CAMTA1: variants seen among roughly 807,000 people sequenced by gnomAD.
CAMTA1 encodes calmodulin binding transcription activator 1.
A neutral mutation model predicts 170.9 loss-of-function variants in CAMTA1; 27 were observed. The observed-to-expected ratio is 0.16, with a 90% CI of 0.12 to 0.22. CAMTA1 has a LOEUF of 0.22. Among genes scored for constraint, CAMTA1 ranks in the 10% least tolerant of loss-of-function variants. CAMTA1 has a pLI of 1.00. For synonymous variants in CAMTA1, 833 were observed against 891.5 expected (o/e 0.93, Z 1.17); for missense variants, 1,619 against 2,217.2 (o/e 0.73, Z 5.42).
At chr1:7,255,507 GC>G (rs1558314833) in intron 5 of CAMTA1, among the ~76,000 whole-genome samples, 2 of 151,118 alleles carry the variant, frequency 1.3e-5, no homozygotes, top group East Asian at 3.9e-4. Flanking sequence ...CCCCCGCCCC[GC>G]CCCAAGGCTA....
intron 4 of CAMTA1, among the ~76,000 whole-genome samples, chr1:7,241,830 A>G (rs1025903592): frequency 6.6e-6 from 1 of 152,206 alleles, no homozygotes. Context: ...TAAATGCAAG[A>G]GCTAAAGATA....
intron 5 of CAMTA1, chr1:7,441,122 G>T (rs1019429158): frequency 2.0e-5 from 3 of 152,184 alleles, no homozygotes; most frequent in African/African-American, 7.2e-5. Flanking sequence ...CACCAGCTGA[G>T]ATTTTTCCTT....
intron 4 of CAMTA1, among the ~76,000 whole-genome samples, chr1:7,103,624 C>CACA (rs1420858456): frequency 2.0e-5 from 3 of 149,780 alleles, no homozygotes; most frequent in African/African-American, 2.5e-5. Context: ...CACACGCACA[C>CACA]ACAACTACAC....
At chr1:7,661,650 G>T (rs2095958582) in intron 7 of CAMTA1, 76 bp from the exon 8 acceptor site, 1 of 1,556,920 alleles carries the variant, frequency 6.4e-7, no homozygotes, top group African/African-American at 1.4e-5. Context: ...GAGGGCCTGG[G>T]TCCTACCCCT....
chr1:7,663,232 C>A (rs1384347495), intron 8 of CAMTA1, 121 bp from the exon 9 acceptor site: 1 of 1,356,742 alleles, frequency 7.4e-7, no homozygotes, highest in African/African-American at 1.5e-5. Flanking sequence ...TTGCCAGGGA[C>A]CCCAGCCGCT....
intron 4 of CAMTA1, among the ~76,000 whole-genome samples, chr1:7,102,023 AACACACACACACACACACACACACACAC>A (rs57209159): frequency 1.3e-4 from 19 of 148,812 alleles, no homozygotes; most frequent in Admixed American, 4.0e-4. Flanking sequence ...ATAAATACAC[AACACACACACACACACACACACACACAC>A]ACACACACAC....
At chr1:7,583,555 T>C (rs1432907953) in intron 6 of CAMTA1, among the ~76,000 whole-genome samples, 1 of 152,060 alleles carries the variant, frequency 6.6e-6, no homozygotes, top group African/African-American at 2.4e-5. Flanking sequence ...GAACGAGGTG[T>C]GGGGTAGGAC....
At chr1:7,594,113 A>G (rs577226966) in intron 6 of CAMTA1, among the ~76,000 whole-genome samples, 8 of 146,758 alleles carry the variant, frequency 5.5e-5, no homozygotes, top group African/African-American at 1.8e-4. Flanking sequence ...GAAAGAAAGA[A>G]AGAGAGAAAG....
At chr1:7,508,922 G>A (rs1193180) in intron 6 of CAMTA1, among the ~76,000 whole-genome samples, 3 of 152,170 alleles carry the variant, frequency 2.0e-5, no homozygotes, top group East Asian at 3.9e-4. Context: ...AGGAAGAAAG[G>A]GAAGGCCCCT....
chr1:7,464,485 T>C (rs917496713), intron 5 of CAMTA1, among the ~76,000 whole-genome samples: 4 of 152,328 alleles, frequency 2.6e-5, no homozygotes, highest in African/African-American at 9.6e-5. Flanking sequence ...GGCTTGGTAA[T>C]GACCTTGTCA....
chr1:7,454,119 A>T (rs1170663628), intron 5 of CAMTA1, among the ~76,000 whole-genome samples: 1 of 152,176 alleles, frequency 6.6e-6, no homozygotes, highest in Non-Finnish European at 1.5e-5. Flanking sequence ...TTCTGTTTGC[A>T]CTTGGGCAGG....
At chr1:7,341,062 C>A (rs754659203) in intron 5 of CAMTA1, among the ~76,000 whole-genome samples, 1 of 152,230 alleles carries the variant, frequency 6.6e-6, no homozygotes, top group African/African-American at 2.4e-5. Flanking sequence ...GCCTTGATGG[C>A]ACTCCATCAC....
chr1:6,908,591 G>T (rs1679055168), intron 3 of CAMTA1, among the ~76,000 whole-genome samples: 2 of 152,342 alleles, frequency 1.3e-5, no homozygotes, highest in South Asian at 4.1e-4. Context: ...TGCAGCCCAG[G>T]TTCATAGTTG....
At chr1:7,349,213 C>T (rs554099376) in intron 5 of CAMTA1, among the ~76,000 whole-genome samples, 3 of 152,288 alleles carry the variant, frequency 2.0e-5, no homozygotes, top group East Asian at 1.9e-4. Flanking sequence ...CCATCACCAG[C>T]GTGCTTTACA....
At chr1:7,046,327 T>G (rs1221050440) in intron 3 of CAMTA1, among the ~76,000 whole-genome samples, 1 of 152,218 alleles carries the variant, frequency 6.6e-6, no homozygotes, top group East Asian at 1.9e-4. Flanking sequence ...CTGGCTTGGT[T>G]GGACCTGGAA....
intron 5 of CAMTA1, among the ~76,000 whole-genome samples, chr1:7,255,520 C>T (rs77558207): frequency 0.098 from 14,983 of 152,116 alleles, 958 homozygotes; most frequent in South Asian, 0.18. Context: ...CCAAGGCTAT[C>T]TCCCCTGATC....
chr1:7,493,543 A>G (rs1033209056), intron 6 of CAMTA1, among the ~76,000 whole-genome samples: 1 of 152,122 alleles, frequency 6.6e-6, no homozygotes, highest in Non-Finnish European at 1.5e-5. Context: ...GAAAGTGCCA[A>G]GCACAGTACC....
At chr1:7,103,701 CAT>C (rs796818087) in intron 4 of CAMTA1, among the ~76,000 whole-genome samples, 17 of 150,720 alleles carry the variant, frequency 1.1e-4, no homozygotes, top group African/African-American at 2.4e-4. Context: ...TACAACTACA[CAT>C]ATGTATACAT....
chr1:7,231,004 G>A (rs1213607984), intron 4 of CAMTA1, among the ~76,000 whole-genome samples: 4 of 152,140 alleles, frequency 2.6e-5, no homozygotes, highest in Non-Finnish European at 5.9e-5. Context: ...CAGCAAATAG[G>A]AGCCATGGCT....
Sources: gnomAD v4.1 joint callset for allele counts (sites outside exome capture counted in the v4.1 genomes callset) on GRCh38, gnomAD v4.1.1 for gene constraint, MANE v1.5 for transcripts, NCBI Gene and HGNC (gene_info 2026-07-23, HGNC 2026-07-21) for gene names.